The following QSOX1 variants were observed in gnomAD, a reference collection of about 807,000 sequenced individuals.
QSOX1 encodes sulfhydryl oxidase 1.
QSOX1 carries 40 observed loss-of-function variants against 76.1 expected under a neutral mutation model. The observed-to-expected ratio is 0.53, with a 90% CI of 0.41 to 0.68. The LOEUF (loss-of-function observed/expected upper bound fraction) is 0.68, where lower values mean the gene tolerates loss of function less well. Ranked by LOEUF, QSOX1 falls within the 30% of genes least tolerant of loss-of-function variation. The probability of loss-of-function intolerance (pLI) is 0.00; values close to 1 mark genes in which losing one functional copy is unlikely to be tolerated. For synonymous variants in QSOX1, 392 were observed against 413.1 expected, an observed-to-expected ratio of 0.95 and a Z score of 0.62; for missense variants, 931 against 974.3, an observed-to-expected ratio of 0.96 and a Z score of 0.59.
rs146339081 is a variant in QSOX1 at position 180,184,858 on chromosome 1, T to C, written c.887+808T>C. 2.5e-3 allele frequency among the ~76,000 whole-genome samples: 382 copies of C among 152,216 alleles called. 1 individual carries two copies. Among genetic ancestry groups the C allele is most frequent in the Middle Eastern group, 6.8e-3 (2 of 294 alleles). On this transcript the variant is annotated intron_variant, in intron 7 of 11. Coordinates refer to ENST00000367602, the MANE Select transcript of QSOX1 (RefSeq NM_002826.5). The stretch of plus-strand genomic sequence containing the variant: ...TGGAAAGTGCCAAATGGAGAGACTT[T>C]TAGTAGATCAAGGGAGAAGGAAAGA...
intron 7 of QSOX1, among the ~76,000 whole-genome samples, chr1:180,184,827 T>C (rs529613804): frequency 6.6e-6 from 1 of 152,208 alleles, no homozygotes; most frequent in South Asian, 2.1e-4. Flanking sequence ...TGAGGGACTT[T>C]AAGGGTGGAA....
chr1:180,180,503 C>T (rs1663004037), intron 5 of QSOX1, among the ~76,000 whole-genome samples: 1 of 151,844 alleles, frequency 6.6e-6, no homozygotes. Flanking sequence ...AGCCACTGCG[C>T]CCAACCAGGA....
intron 8 of QSOX1, among the ~76,000 whole-genome samples, 181 bp downstream of exon 8, chr1:180,186,363 C>T (rs1663171973): frequency 6.6e-6 from 1 of 152,256 alleles, no homozygotes; most frequent in Non-Finnish European, 1.5e-5. Context: ...CCATACCCCA[C>T]ACCAGCCCCA....
rs974988938 is a variant in QSOX1 at position 180,155,052 on chromosome 1, A to G, written c.145A>G (p.Thr49Ala). The G allele has an allele frequency of 3.3e-6, 5 of 1,513,322 alleles. No homozygotes were observed. The African/African-American group carries it at 5.7e-5, about 17-fold the overall frequency. The allele number at this position is 1,513,322 out of a possible 1,614,324, so 93.7% of individuals were successfully genotyped here. A position where few individuals can be genotyped will look rare whatever the true frequency, so the allele number is the denominator to read the frequency against. The change falls in exon 1 of 12, where the codon ACG (threonine) becomes GCG (alanine). Residue 49 changes from threonine (T) to alanine (A), a missense_variant. Physicochemically the swap from Thr to Ala is moderately conservative, Grantham distance 58. Coordinates refer to ENST00000367602, the MANE Select transcript of QSOX1 (RefSeq NM_002826.5). ...CCCGCTGACGCTGCTGCAGGCGGAC[A>G]CGGTGCGCGGCGCGGTGCTGGGCTC... ...SDPLTLLQAD[T>A]VRGAVLGSRS...
Position 180,197,520 on chromosome 1 carries a change from C to T in QSOX1, c.*483C>T. ...CGGACAATGAAGAAGCCTTTGCACC[C>T]TGGGAGGAAGGACCACCCCGGGCCC... On this transcript the variant is annotated 3_prime_UTR_variant, in exon 12 of 12. Coordinates refer to ENST00000367602, the MANE Select transcript of QSOX1 (RefSeq NM_002826.5). 2 of 1,003,384 alleles carry T rather than the reference C, an allele frequency of 2.0e-6. No homozygotes were observed. The highest frequency in any genetic ancestry group is 2.9e-6 in the Non-Finnish European group (2 of 681,502). The allele number at this position is 1,003,384 out of a possible 1,614,324, so 62.2% of individuals were successfully genotyped here.
intron 8 of QSOX1, among the ~76,000 whole-genome samples, chr1:180,186,430 GC>G (rs1004524697): frequency 1.3e-5 from 2 of 152,224 alleles, no homozygotes; most frequent in African/African-American, 4.8e-5. Context: ...CAGGGCCCGT[GC>G]CCCCCACCTG....
In QSOX1 at chr1:180,194,517, C is replaced by T. The variant is rs986442631; in HGVS notation, c.1468+125C>T. On this transcript the variant is annotated intron_variant, in intron 11 of 11. Coordinates refer to ENST00000367602, the MANE Select transcript of QSOX1 (RefSeq NM_002826.5). ...TTGTCCCCTCAGTCACAGCCCAGGC[C>T]TGTTAACCAATGCCAGTATCATCAG... 5.7e-5 allele frequency: 53 copies of T among 927,524 alleles called. No homozygotes were observed. In the African/African-American group the frequency reaches 8.1e-4, roughly 14 times the overall value. 57.5% of individuals were successfully genotyped at this position (927,524 alleles called of 1,614,324 possible).
At chr1:180,163,356 TCC>T (rs1232881796) in intron 1 of QSOX1, among the ~76,000 whole-genome samples, 1 of 152,222 alleles carries the variant, frequency 6.6e-6, no homozygotes, top group Non-Finnish European at 1.5e-5. Flanking sequence ...GTGCCATACT[TCC>T]CTTGCATACA....
chr1:180,182,813 G>A (rs544219595), intron 6 of QSOX1, among the ~76,000 whole-genome samples: 5 of 152,372 alleles, frequency 3.3e-5, no homozygotes, highest in South Asian at 2.1e-4. Flanking sequence ...TGAATGGCCC[G>A]TTAATGGCAC....
intron 6 of QSOX1, among the ~76,000 whole-genome samples, 176 bp from the exon 7 acceptor site, chr1:180,183,740 C>CA (rs1359331089): frequency 1.3e-5 from 2 of 152,194 alleles, no homozygotes; most frequent in African/African-American, 4.8e-5. Context: ...AGAAGGGTTA[C>CA]AGCGAGGCCT....
intron 1 of QSOX1, among the ~76,000 whole-genome samples, chr1:180,156,296 T>C (rs1385303840): frequency 6.6e-6 from 1 of 152,162 alleles, no homozygotes; most frequent in African/African-American, 2.4e-5. Context: ...TGTTCCTGAC[T>C]TGCTGCCTCT....
At position 180,178,937 on chromosome 1, in the gene QSOX1, C is replaced by T. The variant is rs551227033; in HGVS notation, c.606+53C>T. Reference sequence around the variant, plus strand: ...TCTTGGATAGCCATGGAGAGAGAGCCCCAGTTTGGGAGCAGGGCTTTTCCT... The same window carrying T: ...TCTTGGATAGCCATGGAGAGAGAGCTCCAGTTTGGGAGCAGGGCTTTTCCT... On this transcript the variant is annotated intron_variant, in intron 5 of 11. Coordinates refer to ENST00000367602, the MANE Select transcript of QSOX1 (RefSeq NM_002826.5). The T allele has an allele frequency of 7.9e-6, 12 of 1,522,208 alleles. No individual in the cohort carries two copies. The African/African-American group carries it at 9.6e-5, about 12-fold the overall frequency. The allele number at this position is 1,522,208 out of a possible 1,614,324, so 94.3% of individuals were successfully genotyped here.
At chr1:180,171,498 G>A (rs1322305821) in intron 2 of QSOX1, among the ~76,000 whole-genome samples, 2 of 152,224 alleles carry the variant, frequency 1.3e-5, no homozygotes, top group Non-Finnish European at 2.9e-5. Flanking sequence ...AGAACCAGGA[G>A]TCTAGGACAG....
chr1:180,181,037 G>A (rs541589053), intron 5 of QSOX1, among the ~76,000 whole-genome samples: 12 of 152,118 alleles, frequency 7.9e-5, no homozygotes, highest in African/African-American at 1.4e-4. Context: ...TGTAGTGTAC[G>A]GTGCCGCATC....
chr1:180,180,232 C>T (rs756147518), intron 5 of QSOX1, among the ~76,000 whole-genome samples: 9 of 152,212 alleles, frequency 5.9e-5, no homozygotes, highest in Non-Finnish European at 8.8e-5. Flanking sequence ...TTTTGTGAGA[C>T]GGAGTTTCAC....
chr1:180,175,014 G>A (rs541121149), intron 2 of QSOX1, among the ~76,000 whole-genome samples: 2 of 152,068 alleles, frequency 1.3e-5, no homozygotes, highest in Non-Finnish European at 2.9e-5. Flanking sequence ...AAAATTAGTC[G>A]AGTGTGGTGG....
rs1280775457 is a variant in QSOX1, at chr1:180,198,490, A to T, written c.*1453A>T. On this transcript the variant is annotated 3_prime_UTR_variant, in exon 12 of 12. Coordinates refer to ENST00000367602, the MANE Select transcript of QSOX1 (RefSeq NM_002826.5). ...ATGAACCTCATTAAGGGGGAGCAGG[A>T]GCCTCAATCCGATTTGGTTTTCTCT... 2.3e-6 allele frequency: 1 copy of T among 430,158 alleles called. No individual in the cohort carries two copies. Among genetic ancestry groups the T allele is most frequent in the Non-Finnish European group, 4.8e-6 (1 of 207,686 alleles). 26.6% of individuals were successfully genotyped at this position (430,158 alleles called of 1,614,324 possible).
At chr1:180,161,012 A>G (rs1662482507) in intron 1 of QSOX1, among the ~76,000 whole-genome samples, 2 of 152,146 alleles carry the variant, frequency 1.3e-5, no homozygotes, top group African/African-American at 2.4e-5. Context: ...CAGATGTACT[A>G]TAGTTTTTCT....
intron 11 of QSOX1, among the ~76,000 whole-genome samples, chr1:180,194,696 C>T (rs1663416853): frequency 6.6e-6 from 1 of 152,226 alleles, no homozygotes; most frequent in Non-Finnish European, 1.5e-5. Flanking sequence ...CTGTTGGCCC[C>T]TTACTCAAAC....
Sources: gnomAD v4.1 joint callset for allele counts (sites outside exome capture counted in the v4.1 genomes callset) on GRCh38, gnomAD v4.1.1 for gene constraint, MANE v1.5 for transcripts, NCBI Gene and HGNC (gene_info 2026-07-23, HGNC 2026-07-21) for gene names.